NF1: variants seen among roughly 807,000 people sequenced by gnomAD.
NF1 encodes the protein neurofibromin.
NF1 carries 122 observed loss-of-function variants against 325.7 expected under a neutral mutation model. The ratio of observed to expected loss-of-function variants is 0.37; its 90% CI spans 0.32 to 0.44. The LOEUF (loss-of-function observed/expected upper bound fraction) is 0.44. Among genes scored for constraint, NF1 ranks in the 20% least tolerant of loss-of-function variants. The pLI, the probability that NF1 is intolerant of heterozygous loss-of-function variation, is 1.00. For synonymous variants in NF1, 1,091 were observed against 1,186.0 expected (o/e 0.92, Z 1.65); for missense variants, 2,140 against 3,415.4 (o/e 0.63, Z 9.31).
intron 36 of NF1, among the ~76,000 whole-genome samples, chr17:31,316,872 A>C (rs1452241124): frequency 6.6e-6 from 1 of 152,130 alleles, no homozygotes; most frequent in African/African-American, 2.4e-5. Flanking sequence ...TTTTCCTCTC[A>C]TTTTAATAAT....
chr17:31,216,670 C>G (rs1007753170), intron 13 of NF1, among the ~76,000 whole-genome samples: 1 of 152,042 alleles, frequency 6.6e-6, no homozygotes, highest in African/African-American at 2.4e-5. Flanking sequence ...CAGCTTGAAC[C>G]CTTTTAGTTG....
At chr17:31,254,817 A>C (rs1005570715) in intron 31 of NF1, among the ~76,000 whole-genome samples, 3 of 152,150 alleles carry the variant, frequency 2.0e-5, no homozygotes, top group Non-Finnish European at 4.4e-5. Context: ...CAGCACAGGT[A>C]ATACGAGCTC....
Position 31,182,593 on chromosome 17 carries a change from T to A in NF1, c.816T>A (p.Ile272=). Reference sequence around the variant, plus strand: ...CAGCAGTTTGGCCACTACAAATCATTCTCCTTATCTTGTGTCCAGAAATAA... The same window carrying A: ...CAGCAGTTTGGCCACTACAAATCATACTCCTTATCTTGTGTCCAGAAATAA... The part of the protein sequence containing the change: ...RKAAVWPLQI[I]LLILCPEIIQ... Residue 272 remains isoleucine, a synonymous_variant, in exon 8 of 58, where the codon ATT becomes ATA. Transcript: ENST00000358273. 6.2e-7 allele frequency: 1 copy of A among 1,614,028 alleles called. No homozygotes were observed. Among genetic ancestry groups the A allele is most frequent in the East Asian group, 2.2e-5 (1 of 44,866 alleles).
At chr17:31,370,899 A>AT (rs1194524004) in intron 57 of NF1, among the ~76,000 whole-genome samples, 1 of 152,128 alleles carries the variant, frequency 6.6e-6, no homozygotes, top group Non-Finnish European at 1.5e-5. Context: ...CTTATTTTCT[A>AT]TTAAAGAAAC....
intron 8 of NF1, 188 bp downstream of exon 8, chr17:31,182,853 G>A: frequency 3.2e-6 from 2 of 618,788 alleles, no homozygotes; most frequent in South Asian, 2.0e-5. Flanking sequence ...TTTGGCAGAG[G>A]GAAAATAATA....
At position 31,256,294 on chromosome 17, in the gene NF1, A is replaced by G. The variant is rs143280601; in HGVS notation, c.4174-2050A>G. ...CTGGGATTACAGGTGTGGCTCCACC[A>G]TGTCCAGCTAATTTTTGTATTTTTA... On this transcript the variant is annotated intron_variant, in intron 31 of 57. Coordinates refer to ENST00000358273, the MANE Select transcript of NF1 (RefSeq NM_001042492.3). Among the ~76,000 whole-genome samples the G allele has an allele frequency of 9.5e-3, 1,448 of 152,176 alleles. 24 individuals are homozygous for G. Among genetic ancestry groups the G allele is most frequent in the African/African-American group, 0.033 (1,364 of 41,518 alleles).
chr17:31,250,335 T>G, intron 30 of NF1: 1 of 216,874 alleles, frequency 4.6e-6, no homozygotes. Flanking sequence ...AGGTTTCTCT[T>G]TAAATTTTAT....
chr17:31,176,998 G>A (rs887597771), intron 5 of NF1, among the ~76,000 whole-genome samples: 10 of 152,112 alleles, frequency 6.6e-5, no homozygotes, highest in African/African-American at 2.4e-5. Flanking sequence ...GCTCTTTTCT[G>A]GTTTCATATG....
intron 36 of NF1, among the ~76,000 whole-genome samples, chr17:31,281,420 A>AG (rs201092829): frequency 0.018 from 2,746 of 152,048 alleles, 84 homozygotes; most frequent in African/African-American, 0.063. Context: ...ATGCTAGAAA[A>AG]AAGTCTTAAA....
At position 31,304,344 on chromosome 17, in the gene NF1, C is replaced by T. The variant is rs1401349513; in HGVS notation, c.4836-21476C>T. ...TGGGAGGAATAGAGAACTCCTGACA[C>T]TGGATCTCAAGGTTGGAATCTTCTT... On this transcript the variant is annotated intron_variant, in intron 36 of 57. Coordinates refer to ENST00000358273, the MANE Select transcript of NF1 (RefSeq NM_001042492.3). The T allele has an allele frequency of 6.8e-6, 11 of 1,613,988 alleles. 1 individual carries two copies. The highest frequency in any genetic ancestry group is 6.7e-5 in the Admixed American group (4 of 59,998).
chr17:31,303,002 G>A (rs1043586611), intron 36 of NF1, among the ~76,000 whole-genome samples: 5 of 152,140 alleles, frequency 3.3e-5, no homozygotes, highest in African/African-American at 1.2e-4. Context: ...AGTAAAGATG[G>A]CTTGAAAGAT....
At chr17:31,105,881 G>A (rs1912815991) in intron 1 of NF1, among the ~76,000 whole-genome samples, 1 of 152,152 alleles carries the variant, frequency 6.6e-6, no homozygotes, top group Non-Finnish European at 1.5e-5. Flanking sequence ...ACCCCCACCA[G>A]CAGAGTGGTA....
At chr17:31,341,813 T>C (rs2069832928) in intron 47 of NF1, among the ~76,000 whole-genome samples, 1 of 151,988 alleles carries the variant, frequency 6.6e-6, no homozygotes, top group Non-Finnish European at 1.5e-5. Context: ...TTTTAGTTCA[T>C]AGAGAATAGA....
intron 36 of NF1, among the ~76,000 whole-genome samples, chr17:31,306,718 A>G (rs1957651975): frequency 6.6e-6 from 1 of 152,084 alleles, no homozygotes; most frequent in South Asian, 2.1e-4. Flanking sequence ...CCAGTTGGTC[A>G]AGTAGTCCTG....
intron 20 of NF1, 96 bp from the exon 21 acceptor site, chr17:31,228,929 C>T: frequency 2.0e-6 from 2 of 988,484 alleles, no homozygotes; most frequent in Non-Finnish European, 3.0e-6. Flanking sequence ...ATTTTTTGTA[C>T]TTTTGTCATG....
At chr17:31,219,205 A>T (rs2066880199) in intron 14 of NF1, 87 bp downstream of exon 14, 1 of 1,343,138 alleles carries the variant, frequency 7.4e-7, no homozygotes, top group Non-Finnish European at 1.0e-6. Context: ...GGTTTCTGTG[A>T]GTAACAGGTA....
At chr17:31,130,015 C>G (rs989036001) in intron 1 of NF1, among the ~76,000 whole-genome samples, 1 of 145,224 alleles carries the variant, frequency 6.9e-6, no homozygotes, top group African/African-American at 2.5e-5. Context: ...CATCAGAGTT[C>G]TTGTGTTGGT....
Position 31,360,547 on chromosome 17 carries a change from A to C in NF1, c.8221A>C (p.Thr2741Pro). The C allele has an allele frequency of 6.2e-7, 1 of 1,614,142 alleles. No homozygotes were observed. The highest frequency in any genetic ancestry group is 8.5e-7 in the Non-Finnish European group (1 of 1,180,016). Residue 2741 changes from threonine (T) to proline (P), a missense_variant, in exon 57 of 58, where the codon ACG becomes CCG. By Grantham distance (38) the Thr-to-Pro change is conservative. Transcript: ENST00000358273. ...IVKFLDALID[T>P]YLPGIDEETS... The stretch of plus-strand genomic sequence containing the variant: ...TAAGTTTCTTGATGCCTTGATTGAC[A>C]CGTACCTGCCTGGAATTGATGAAGA...
chr17:31,200,655 A>G (rs1344000965), intron 9 of NF1, 60 bp downstream of exon 9: 5 of 1,548,652 alleles, frequency 3.2e-6, no homozygotes, highest in South Asian at 1.1e-5. Flanking sequence ...ATTTTCTAGC[A>G]TAAGTATTAT....
Sources: allele counts gnomAD v4.1 joint callset (sites outside exome capture counted in the v4.1 genomes callset), GRCh38; gene constraint gnomAD v4.1.1; transcripts MANE v1.5; gene names NCBI Gene and HGNC (gene_info 2026-07-23, HGNC 2026-07-21).